HPSE2: variants seen among roughly 807,000 people sequenced by gnomAD.
HPSE2 encodes the protein inactive heparanase-2.
Under a neutral mutation model 60.5 loss-of-function variants are expected in HPSE2, and 38 were observed. That is an observed-to-expected ratio of 0.63 (90% CI 0.48 to 0.82). The LOEUF is 0.82. Ranked by LOEUF, HPSE2 falls within the 40% of genes least tolerant of loss-of-function variation. The pLI is 0.00. For missense variants in HPSE2, 713 were observed against 740.4 expected (o/e 0.96, Z 0.43); for synonymous variants, 295 against 293.2 (o/e 1.01, Z -0.06).
intron 3 of HPSE2, among the ~76,000 whole-genome samples, chr10:99,029,954 G>A (rs559452194): frequency 6.6e-6 from 1 of 152,316 alleles, no homozygotes; most frequent in African/African-American, 2.4e-5. Context: ...CGGTCTGCCT[G>A]GCAACGGGCA....
At chr10:99,163,970 G>T (rs1190676534) in intron 2 of HPSE2, among the ~76,000 whole-genome samples, 2 of 151,386 alleles carry the variant, frequency 1.3e-5, no homozygotes, top group African/African-American at 4.9e-5. Flanking sequence ...GTTCTGGTGG[G>T]TTTCTCCATA....
At chr10:99,148,418 T>C (rs138552014) in intron 2 of HPSE2, among the ~76,000 whole-genome samples, 55 of 152,346 alleles carry the variant, frequency 3.6e-4, no homozygotes, top group African/African-American at 1.2e-3. Flanking sequence ...CCAGCTATAA[T>C]AGTCTCAGAT....
At chr10:99,284,113 T>C in the HPSE2 span, among the ~76,000 whole-genome samples, 2 of 152,168 alleles carry the variant, frequency 1.3e-5, no homozygotes, top group South Asian at 4.1e-4. Context: ...TGAACATAGA[T>C]GTTAATAATC....
At position 98,589,342 on chromosome 10, in the gene HPSE2, T is replaced by C. The variant is rs113736704; in HGVS notation, c.1320+25562A>G. On this transcript the variant is annotated intron_variant, in intron 9 of 11. Transcript: ENST00000370552. Reference sequence around the variant, plus strand: ...GCTGAATAAAGCCATGTCCCACCTATCTGTGGTCTCTTGAGTGTTCTTTCA... The same window carrying C: ...GCTGAATAAAGCCATGTCCCACCTACCTGTGGTCTCTTGAGTGTTCTTTCA... Among the ~76,000 whole-genome samples, 652 of 152,324 alleles carry C rather than the reference T, an allele frequency of 4.3e-3. 3 individuals are homozygous for C. Among genetic ancestry groups the C allele is most frequent in the African/African-American group, 0.015 (630 of 41,566 alleles).
chr10:98,826,722 A>G (rs1436198531), intron 3 of HPSE2, among the ~76,000 whole-genome samples: 4 of 152,194 alleles, frequency 2.6e-5, no homozygotes, highest in African/African-American at 4.8e-5. Context: ...TTCAGTAGAC[A>G]TTGTGCTAGC....
intron 2 of HPSE2, among the ~76,000 whole-genome samples, chr10:99,231,111 C>G (rs970055675): frequency 3.9e-5 from 6 of 152,148 alleles, no homozygotes; most frequent in Non-Finnish European, 7.4e-5. Context: ...GCTCCAAACT[C>G]AAGAAGCCTT....
intron 3 of HPSE2, among the ~76,000 whole-genome samples, chr10:98,794,728 T>A (rs1409807283): frequency 6.6e-6 from 1 of 152,170 alleles, no homozygotes; most frequent in East Asian, 1.9e-4. Flanking sequence ...CTTTTCAATA[T>A]AGCATATCAG....
At chr10:98,952,246 G>A (rs980497664) in intron 3 of HPSE2, among the ~76,000 whole-genome samples, 4 of 152,018 alleles carry the variant, frequency 2.6e-5, no homozygotes, top group African/African-American at 7.2e-5. Context: ...CCACTCCAGT[G>A]TGTGTAAAGA....
rs1385476547 is a variant in HPSE2 at position 99,154,384 on chromosome 10, T to A, written c.449-9985A>T. Among the ~76,000 whole-genome samples, 30 of 71,422 alleles carry A rather than the reference T, an allele frequency of 4.2e-4. 3 individuals are homozygous for A. In the East Asian group the frequency reaches 0.012, roughly 29 times the overall value. The allele number at this position is 71,422 out of a possible 152,430, so 46.9% of individuals were successfully genotyped here. On this transcript the variant is annotated intron_variant, in intron 2 of 11. Transcript: ENST00000370552. Reference sequence around the variant, plus strand: ...CGGGTTACCCTCAAAGGGAAGCCCATCAGACTAACAGTGGATCTCTCGGCA... The same window carrying A: ...CGGGTTACCCTCAAAGGGAAGCCCAACAGACTAACAGTGGATCTCTCGGCA...
intron 3 of HPSE2, among the ~76,000 whole-genome samples, chr10:98,950,091 T>C (rs767749846): frequency 3.3e-5 from 5 of 152,192 alleles, no homozygotes; most frequent in Non-Finnish European, 5.9e-5. Flanking sequence ...CTTCTTCTTT[T>C]AGTCTCTCAC....
At chr10:98,967,248 C>A (rs796160599) in intron 3 of HPSE2, among the ~76,000 whole-genome samples, 9 of 152,306 alleles carry the variant, frequency 5.9e-5, no homozygotes, top group African/African-American at 1.9e-4. Flanking sequence ...ACCATATTAG[C>A]CCCACCTCAG....
intron 11 of HPSE2, among the ~76,000 whole-genome samples, chr10:98,481,884 G>A (rs1941250864): frequency 6.6e-6 from 1 of 152,162 alleles, no homozygotes; most frequent in African/African-American, 2.4e-5. Flanking sequence ...GAGCTGGGGT[G>A]GCCTTGCCCT....
chr10:99,049,369 GC>G (rs1367795120), intron 3 of HPSE2, among the ~76,000 whole-genome samples: 1 of 152,034 alleles, frequency 6.6e-6, no homozygotes, highest in African/African-American at 2.4e-5. Context: ...AGAAACAGGG[GC>G]TGAAAGTATC....
intron 3 of HPSE2, among the ~76,000 whole-genome samples, chr10:99,087,199 T>C (rs1465157670): frequency 2.0e-5 from 3 of 152,232 alleles, no homozygotes; most frequent in Admixed American, 6.5e-5. Flanking sequence ...TTGCAGATCA[T>C]AATGTTTGTA....
chr10:99,200,419 G>T (rs919308975), intron 2 of HPSE2, among the ~76,000 whole-genome samples: 23 of 152,030 alleles, frequency 1.5e-4, no homozygotes, highest in Admixed American at 2.6e-4. Flanking sequence ...GAGGTACCTG[G>T]AAGTGTTTTA....
At chr10:98,867,328 T>C (rs549124851) in intron 3 of HPSE2, among the ~76,000 whole-genome samples, 126 of 149,738 alleles carry the variant, frequency 8.4e-4, no homozygotes, top group Non-Finnish European at 1.1e-3. Flanking sequence ...CAATTAAAAA[T>C]GGGCAAAAGA....
intron 6 of HPSE2, among the ~76,000 whole-genome samples, chr10:98,685,321 T>C (rs1947886703): frequency 6.6e-6 from 1 of 152,222 alleles, no homozygotes; most frequent in African/African-American, 2.4e-5. Context: ...TATCATTTGA[T>C]AAATTTTGAT....
intron 3 of HPSE2, among the ~76,000 whole-genome samples, chr10:99,059,693 G>T (rs1958190893): frequency 6.8e-6 from 1 of 147,906 alleles, no homozygotes; most frequent in African/African-American, 2.7e-5. Context: ...GAGAAAAACA[G>T]TTAGGCACAA....
intron 9 of HPSE2, among the ~76,000 whole-genome samples, chr10:98,591,068 T>G (rs1945075974): frequency 6.6e-6 from 1 of 152,122 alleles, no homozygotes; most frequent in Non-Finnish European, 1.5e-5. Context: ...CCCTGTACAG[T>G]TATACCTATG....
Sources: allele counts gnomAD v4.1 joint callset (sites outside exome capture counted in the v4.1 genomes callset), GRCh38; gene constraint gnomAD v4.1.1; transcripts MANE v1.5; gene names NCBI Gene and HGNC (gene_info 2026-07-23, HGNC 2026-07-21).